Variants in SLCO3A1 observed in about 807,000 individuals in gnomAD.
SLCO3A1 encodes the protein PGE1 transporter.
A neutral mutation model predicts 63.1 loss-of-function variants in SLCO3A1; 27 were observed. The observed-to-expected ratio is 0.43, with a 90% CI of 0.32 to 0.59. The LOEUF (loss-of-function observed/expected upper bound fraction) is 0.59. Among genes scored for constraint, SLCO3A1 ranks in the 20% least tolerant of loss-of-function variants. The pLI is 0.09. For missense variants in SLCO3A1, 773 were observed against 945.8 expected, an observed-to-expected ratio of 0.82 and a Z score of 2.40; for synonymous variants, 473 against 409.9, an observed-to-expected ratio of 1.15 and a Z score of -1.86.
intron 1 of SLCO3A1, 135 bp from the exon 2 acceptor site, chr15:91,915,858 C>T: frequency 1.4e-6 from 1 of 717,372 alleles, no homozygotes; most frequent in Non-Finnish European, 2.4e-6. Context: ...ACACAGCTGC[C>T]TTTTTGCACC....
intron 2 of SLCO3A1, among the ~76,000 whole-genome samples, chr15:92,018,166 A>C (rs2046462846): frequency 6.6e-6 from 1 of 152,196 alleles, no homozygotes; most frequent in Admixed American, 6.5e-5. Context: ...TGGGGCGGTG[A>C]CGGGGCTGGC....
At chr15:92,044,937 ATC>A (rs1490596153) in intron 2 of SLCO3A1, among the ~76,000 whole-genome samples, 2 of 152,056 alleles carry the variant, frequency 1.3e-5, no homozygotes, top group Non-Finnish European at 2.9e-5. Flanking sequence ...GCATCCTTCC[ATC>A]TCTCATCTCC....
At chr15:91,881,893 G>A (rs12592577) in intron 1 of SLCO3A1, among the ~76,000 whole-genome samples, 126,596 of 152,188 alleles carry the variant, frequency 0.83, 53,133 homozygotes, top group East Asian at 0.99. Flanking sequence ...ATGCTTGAGT[G>A]AGGTAACCCT....
intron 2 of SLCO3A1, among the ~76,000 whole-genome samples, chr15:92,008,651 A>G (rs1243718609): frequency 6.6e-6 from 1 of 152,206 alleles, no homozygotes; most frequent in African/African-American, 2.4e-5. Context: ...TCTGTGTTCA[A>G]CTTGGTAGAA....
At chr15:92,143,440 A>T (rs576269607) in intron 7 of SLCO3A1, among the ~76,000 whole-genome samples, 1 of 4,324 alleles carries the variant, frequency 2.3e-4, no homozygotes, top group Non-Finnish European at 3.4e-4. Context: ...AATATATATA[A>T]TATATATATA....
chr15:91,854,388 C>G lies in SLCO3A1; in HGVS notation c.180+300C>G. The G allele has an allele frequency of 9.5e-7, 1 of 1,057,730 alleles. No homozygotes were observed. Among genetic ancestry groups the G allele is most frequent in the African/African-American group, 1.7e-5 (1 of 59,244 alleles). The allele number at this position is 1,057,730 out of a possible 1,614,324, so 65.5% of individuals were successfully genotyped here. ...GGTGGGCGTGAAACTATTCCTCTCC[C>G]CCCATAAGAGCGGAGCGAGACGGTG... On this transcript the variant is annotated intron_variant, in intron 1 of 9. Transcript: ENST00000318445. The surrounding 1 kb of genome is among the most constrained non-coding windows in gnomAD (Gnocchi z 6.4).
chr15:92,093,291 G>C (rs995017717), intron 2 of SLCO3A1, among the ~76,000 whole-genome samples: 1 of 152,194 alleles, frequency 6.6e-6, no homozygotes, highest in Non-Finnish European at 1.5e-5. Context: ...AGGCAAAGGG[G>C]GAGCAGGCAC....
At chr15:92,106,320 G>T in intron 4 of SLCO3A1, among the ~76,000 whole-genome samples, 1 of 152,110 alleles carries the variant, frequency 6.6e-6, no homozygotes, top group East Asian at 1.9e-4. Flanking sequence ...AGGTTGCCTT[G>T]GTTGGAATGC....
intron 2 of SLCO3A1, among the ~76,000 whole-genome samples, chr15:91,995,673 T>G (rs148653669): frequency 4.0e-4 from 61 of 150,706 alleles, no homozygotes; most frequent in African/African-American, 1.5e-3. Context: ...TTTAGTCCTT[T>G]TAAGTCTGTG....
At chr15:91,934,724 A>G (rs1345772280) in intron 2 of SLCO3A1, among the ~76,000 whole-genome samples, 1 of 152,214 alleles carries the variant, frequency 6.6e-6, no homozygotes, top group East Asian at 1.9e-4. Flanking sequence ...ACAAGCATTG[A>G]TGAATTTCAT....
Position 91,872,875 on chromosome 15 carries a change from G to A in SLCO3A1, c.180+18787G>A, listed in dbSNP as rs1897313027. Among the ~76,000 whole-genome samples, 1 of 152,186 alleles carries A rather than the reference G, an allele frequency of 6.6e-6. No individual in the cohort carries two copies. The highest frequency in any genetic ancestry group is 1.5e-5 in the Non-Finnish European group (1 of 68,042). On this transcript the variant is annotated intron_variant, in intron 1 of 9. Transcript: ENST00000318445. The surrounding 1 kb of genome is among the most constrained non-coding windows in gnomAD (Gnocchi z 4.1). ...TTCCCTTCCTCCCCTTTAGGGCATG[G>A]TGGCGTCTGTAAGTGACAAGAGTGC... is the stretch of plus-strand genomic sequence containing the variant.
At chr15:92,035,704 T>C (rs2046717370) in intron 2 of SLCO3A1, among the ~76,000 whole-genome samples, 1 of 151,774 alleles carries the variant, frequency 6.6e-6, no homozygotes, top group Non-Finnish European at 1.5e-5. Flanking sequence ...GCAGAGGCTC[T>C]TCCCTGAGAA....
chr15:92,018,931 TGGGACAA>T (rs2046472251), intron 2 of SLCO3A1, among the ~76,000 whole-genome samples: 1 of 152,192 alleles, frequency 6.6e-6, no homozygotes, highest in Non-Finnish European at 1.5e-5. Context: ...GTGCTGGGCC[TGGGACAA>T]GGTGCCATAT....
At chr15:91,887,051 G>T (rs922900076) in intron 1 of SLCO3A1, among the ~76,000 whole-genome samples, 6 of 152,136 alleles carry the variant, frequency 3.9e-5, no homozygotes. Context: ...CTTTTATGGT[G>T]TTTTGTGGGA....
chr15:91,873,734 A>G (rs183041738), intron 1 of SLCO3A1, among the ~76,000 whole-genome samples: 5 of 152,280 alleles, frequency 3.3e-5, no homozygotes, highest in Admixed American at 6.5e-5. Flanking sequence ...CCTAATTTCA[A>G]TTAATACTTC....
At chr15:92,115,222 G>C (rs572046920) in intron 4 of SLCO3A1, among the ~76,000 whole-genome samples, 2 of 152,216 alleles carry the variant, frequency 1.3e-5, no homozygotes, top group East Asian at 3.9e-4. Flanking sequence ...CAAGTACATT[G>C]CTTCCTGACC....
rs146361240 is a variant in SLCO3A1 at position 92,063,100 on chromosome 15, A to G, written c.647-31781A>G. 7.5e-4 allele frequency among the ~76,000 whole-genome samples: 115 copies of G among 152,364 alleles called. 1 individual carries two copies. Among genetic ancestry groups the G allele is most frequent in the African/African-American group, 2.5e-3 (104 of 41,588 alleles). On this transcript the variant is annotated intron_variant, in intron 2 of 9. Transcript: ENST00000318445. Reference sequence around the variant, plus strand: ...TAAGGTTAGCTCAGGTTCTGCTTATAAATACTAAGCTCCAGGCTAGAGGGA... The same window carrying G: ...TAAGGTTAGCTCAGGTTCTGCTTATGAATACTAAGCTCCAGGCTAGAGGGA...
At chr15:92,142,984 C>T (rs1261160608) in intron 7 of SLCO3A1, among the ~76,000 whole-genome samples, 2 of 151,994 alleles carry the variant, frequency 1.3e-5, no homozygotes, top group Non-Finnish European at 2.9e-5. Flanking sequence ...TCACATGGCT[C>T]ATTCAGAGGG....
Position 91,871,823 on chromosome 15 carries a change from T to A in SLCO3A1, c.180+17735T>A, listed in dbSNP as rs184917240. On this transcript the variant is annotated intron_variant, in intron 1 of 9. Coordinates refer to ENST00000318445, the MANE Select transcript of SLCO3A1 (RefSeq NM_013272.4). ...TTTTATTTCAGGTTTAATTTTTTTT[T>A]AATTCAAATTTAGGAAGAGTGAGAT... Among the ~76,000 whole-genome samples, 640 of 151,234 alleles carry A rather than the reference T, an allele frequency of 4.2e-3. 8 individuals carry two copies. Among genetic ancestry groups the A allele is most frequent in the African/African-American group, 0.015 (615 of 41,006 alleles).
Sources: gnomAD v4.1 joint callset for allele counts (sites outside exome capture counted in the v4.1 genomes callset) on GRCh38, gnomAD v4.1.1 for gene constraint, Gnocchi (gnomAD v3.1) non-coding constraint, MANE v1.5 for transcripts, NCBI Gene and HGNC (gene_info 2026-07-23, HGNC 2026-07-21) for gene names.